Variants in DLG2 observed in about 807,000 individuals in gnomAD.
DLG2 encodes discs large MAGUK scaffold protein 2, also known as disks large homolog 2.
Under a neutral mutation model 132.5 loss-of-function variants are expected in DLG2, and 45 were observed. That is an observed-to-expected ratio of 0.34 (90% CI 0.27 to 0.44). DLG2 has a LOEUF of 0.44. Among genes scored for constraint, DLG2 ranks in the 20% least tolerant of loss-of-function variants. The pLI is 1.00. For synonymous variants in DLG2, 424 were observed against 419.6 expected (o/e 1.01, Z -0.13); for missense variants, 1,045 against 1,196.9 (o/e 0.87, Z 1.87).
rs143573793 is a variant in DLG2, at chr11:83,759,032, A to G, written c.1825+27658T>C. 1.8e-3 allele frequency among the ~76,000 whole-genome samples: 267 copies of G among 152,344 alleles called. 1 individual carries two copies. Among genetic ancestry groups the G allele is most frequent in the African/African-American group, 6.3e-3 (264 of 41,584 alleles). ...ATTGATGGCTTCATTCATTCAATCAATGAAGAGATATACATTGAATATCTA... is the reference window on the plus strand; with the variant it reads ...ATTGATGGCTTCATTCATTCAATCAGTGAAGAGATATACATTGAATATCTA... On this transcript the variant is annotated intron_variant, in intron 18 of 27. Coordinates refer to ENST00000376104, the MANE Select transcript of DLG2 (RefSeq NM_001142699.3).
In DLG2 at chr11:84,821,095, G is replaced by T. The variant is rs140964899; in HGVS notation, c.358-286364C>A. 2.0e-5 allele frequency among the ~76,000 whole-genome samples: 3 copies of T among 151,908 alleles called. No individual in the cohort carries two copies. In the East Asian group the frequency reaches 5.9e-4, roughly 30 times the overall value. ...ATCAAATGTGACACAAGAATGTACC[G>T]TATAAATTAGTATGTTTTAAATTTT... On this transcript the variant is annotated intron_variant, in intron 6 of 27. Transcript: ENST00000376104.
chr11:83,743,185 G>T (rs1162228990), intron 18 of DLG2, among the ~76,000 whole-genome samples: 1 of 152,056 alleles, frequency 6.6e-6, no homozygotes, highest in Non-Finnish European at 1.5e-5. Flanking sequence ...CAGAAGAGGT[G>T]GTTTTATTCA....
intron 7 of DLG2, among the ~76,000 whole-genome samples, chr11:84,294,130 G>A (rs2098052544): frequency 6.6e-6 from 1 of 152,192 alleles, no homozygotes; most frequent in Non-Finnish European, 1.5e-5. Context: ...GAGCAAGACT[G>A]GAAATTGCAG....
chr11:83,787,308 C>A (rs1383979106), intron 17 of DLG2, among the ~76,000 whole-genome samples: 1 of 116,850 alleles, frequency 8.6e-6, no homozygotes, highest in Admixed American at 8.6e-5. Context: ...CAGCCTTAAG[C>A]CTTGTTTTTT....
chr11:83,580,896 TTCCCCTCCCC>T (rs61595358), intron 19 of DLG2, among the ~76,000 whole-genome samples: 162 of 112,182 alleles, frequency 1.4e-3, no homozygotes, highest in Non-Finnish European at 2.2e-3. Flanking sequence ...CTCCCCTCCC[TTCCCCTCCCC>T]TCCCCTCCCC....
At chr11:83,726,723 C>A (rs568790593) in intron 18 of DLG2, among the ~76,000 whole-genome samples, 4 of 151,820 alleles carry the variant, frequency 2.6e-5, no homozygotes, top group African/African-American at 9.7e-5. Flanking sequence ...TTATTGCAGA[C>A]CCTGAGAGAC....
intron 4 of DLG2, among the ~76,000 whole-genome samples, chr11:85,281,246 G>A (rs78127060): frequency 0.011 from 1,717 of 152,118 alleles, 31 homozygotes; most frequent in African/African-American, 0.038. Flanking sequence ...GACAAGAAAA[G>A]TCTAAAACCT....
At chr11:84,847,504 C>G (rs528758203) in intron 6 of DLG2, among the ~76,000 whole-genome samples, 5 of 152,208 alleles carry the variant, frequency 3.3e-5, no homozygotes, top group African/African-American at 9.6e-5. Flanking sequence ...AATGAAGGAA[C>G]TGTCCAGTTT....
intron 10 of DLG2, among the ~76,000 whole-genome samples, chr11:84,098,490 T>C (rs1341143795): frequency 6.6e-6 from 1 of 152,192 alleles, no homozygotes; most frequent in Admixed American, 6.5e-5. Flanking sequence ...TTTTTCCCTC[T>C]CTAAACGCCT....
chr11:85,495,819 G>C (rs566957198), intron 3 of DLG2, among the ~76,000 whole-genome samples: 1 of 152,188 alleles, frequency 6.6e-6, no homozygotes, highest in Admixed American at 6.5e-5. Context: ...CTATTATAAA[G>C]ACATGCACAC....
At chr11:84,813,257 T>G (rs370249315) in intron 6 of DLG2, among the ~76,000 whole-genome samples, 3 of 152,076 alleles carry the variant, frequency 2.0e-5, no homozygotes, top group East Asian at 3.9e-4. Flanking sequence ...TACCTGTGGG[T>G]AACACTATGA....
At chr11:84,526,964 G>C (rs2099322944) in intron 7 of DLG2, among the ~76,000 whole-genome samples, 1 of 151,986 alleles carries the variant, frequency 6.6e-6, no homozygotes, top group Admixed American at 6.6e-5. Context: ...ATTTTTAGTA[G>C]AGACGGGGTT....
At chr11:83,642,607 C>T (rs2066897344) in intron 18 of DLG2, among the ~76,000 whole-genome samples, 2 of 152,002 alleles carry the variant, frequency 1.3e-5, no homozygotes, top group Non-Finnish European at 2.9e-5. Flanking sequence ...TGGCTTCATG[C>T]ATGCTTTGTT....
In DLG2 at chr11:85,606,831, C is replaced by A. The variant is rs549981870; in HGVS notation, c.-92-8043G>T. Among the ~76,000 whole-genome samples, 8 of 152,142 alleles carry A rather than the reference C, an allele frequency of 5.3e-5. No homozygotes were observed. The South Asian group carries it at 8.3e-4, about 16-fold the overall frequency. On this transcript the variant is annotated intron_variant, in intron 2 of 27. Coordinates refer to ENST00000376104, the MANE Select transcript of DLG2 (RefSeq NM_001142699.3). The stretch of plus-strand genomic sequence containing the variant: ...CCACCTTTAAGAGCTGTAACACTCA[C>A]CGCAAAGGTCTGCAGCTTCACTCCT...
chr11:83,522,466 A>C (rs911049526), intron 21 of DLG2, among the ~76,000 whole-genome samples: 1 of 152,146 alleles, frequency 6.6e-6, no homozygotes, highest in Non-Finnish European at 1.5e-5. Context: ...TAACACTCAG[A>C]TCAAGAGAAC....
intron 19 of DLG2, among the ~76,000 whole-genome samples, chr11:83,616,248 T>C (rs944133798): frequency 6.6e-6 from 1 of 152,196 alleles, no homozygotes; most frequent in African/African-American, 2.4e-5. Context: ...TCATTACTAT[T>C]GGGTATATAC....
At position 83,469,126 on chromosome 11, in the gene DLG2, C is replaced by CAAAA. The variant is rs11464149; in HGVS notation, c.2619+71_2619+74dup. On this transcript the variant is annotated intron_variant, in intron 25 of 27. Transcript: ENST00000376104. Reference sequence around the variant, plus strand: ...ATTGCAATCAAGAAAGAGTAATGACCAAAAAAAAAAAAAAATGCAGTTTGC... The same window carrying CAAAA: ...ATTGCAATCAAGAAAGAGTAATGACCAAAAAAAAAAAAAAAAAAATGCAGTTTGC... 1,738 of 979,470 alleles carry CAAAA rather than the reference C, an allele frequency of 1.8e-3. 14 individuals carry two copies. The African/African-American group carries it at 0.027, about 15-fold the overall frequency. 60.7% of individuals were successfully genotyped at this position (979,470 alleles called of 1,614,324 possible).
chr11:84,908,034 G>C (rs2091708791), intron 6 of DLG2, among the ~76,000 whole-genome samples: 1 of 151,944 alleles, frequency 6.6e-6, no homozygotes, highest in Non-Finnish European at 1.5e-5. Context: ...AAACCACACT[G>C]ATTATAAAAA....
intron 18 of DLG2, among the ~76,000 whole-genome samples, chr11:83,733,240 C>CAAAAAAAA (rs71066061): frequency 2.2e-5 from 1 of 46,238 alleles, no homozygotes; most frequent in Admixed American, 2.6e-4. Context: ...GACCCCATCT[C>CAAAAAAAA]AAAAAAAAAA....
Sources: gnomAD v4.1 joint callset for allele counts (sites outside exome capture counted in the v4.1 genomes callset) on GRCh38, gnomAD v4.1.1 for gene constraint, MANE v1.5 for transcripts, NCBI Gene and HGNC (gene_info 2026-07-23, HGNC 2026-07-21) for gene names.